The following IFT140 variants were observed in gnomAD, a reference collection of about 807,000 sequenced individuals.
The protein encoded by IFT140 is intraflagellar transport 140.
In IFT140, 133 loss-of-function variants were observed where a neutral mutation model predicts 164.6. That is an observed-to-expected ratio of 0.81 (90% CI 0.70 to 0.93). IFT140 has a LOEUF of 0.93. IFT140 is among the 40% of genes least tolerant of loss of function. The pLI is 0.00. For missense variants in IFT140, 2,045 were observed against 1,972.3 expected (o/e 1.04, Z -0.70); for synonymous variants, 860 against 817.3 (o/e 1.05, Z -0.89).
chr16:1,515,601 T>TA (rs1450323551), intron 30 of IFT140, among the ~76,000 whole-genome samples: 1 of 151,996 alleles, frequency 6.6e-6, no homozygotes, highest in Non-Finnish European at 1.5e-5. Flanking sequence ...TCTCACTTGT[T>TA]ACCCAGGCTG....
In IFT140 at chr16:1,551,118, C is replaced by T. The variant is rs1227576455; in HGVS notation, c.2399+6817G>A. ...CCACACTGCATTCTGTTCTGTTTCA[C>T]GTCTACTTTGGTCTCCTCAAACGAT... On this transcript the variant is annotated intron_variant, in intron 19 of 30. Coordinates refer to ENST00000426508, the MANE Select transcript of IFT140 (RefSeq NM_014714.4). This position sits in a 1 kb window ranked among gnomAD's most constrained non-coding sequence, Gnocchi z 4.0. 2.0e-5 allele frequency among the ~76,000 whole-genome samples: 3 copies of T among 152,360 alleles called. No individual in the cohort carries two copies. Among genetic ancestry groups the T allele is most frequent in the East Asian group, 1.9e-4 (1 of 5,178 alleles).
chr16:1,607,481 C>A (rs2036137138), intron 2 of IFT140, among the ~76,000 whole-genome samples, 184 bp from the exon 3 acceptor site: 1 of 152,146 alleles, frequency 6.6e-6, no homozygotes, highest in South Asian at 2.1e-4. Context: ...GGGAGACATG[C>A]AGAAGAGAAG....
chr16:1,514,389 T>G (rs78689665), intron 30 of IFT140: 1 of 151,732 alleles, frequency 6.6e-6, no homozygotes, highest in East Asian at 1.9e-4. Flanking sequence ...AATAAATAAA[T>G]AAATAAAAGA....
Position 1,520,412 on chromosome 16 carries a change from C to G in IFT140, c.3661-69G>C. The G allele has an allele frequency of 3.3e-6, 5 of 1,525,202 alleles. No homozygotes were observed. In the South Asian group the frequency reaches 5.6e-5, roughly 17 times the overall value. 94.5% of individuals were successfully genotyped at this position (1,525,202 alleles called of 1,614,324 possible). A position where few individuals can be genotyped will look rare whatever the true frequency, so the allele number is the denominator to read the frequency against. ...CGGGACAAGCACAAGGGACCCCGAG[C>G]AGGAGCTCTCACAAGAAGAGTGGCT... On this transcript the variant is annotated intron_variant, in intron 27 of 30. Transcript: ENST00000426508.
At chr16:1,601,263 CAAA>C (rs965825314) in intron 4 of IFT140, among the ~76,000 whole-genome samples, 4 of 55,218 alleles carry the variant, frequency 7.2e-5, no homozygotes, top group Non-Finnish European at 3.9e-5. Flanking sequence ...GATTCCATCA[CAAA>C]AAAAAAAAAA....
Position 1,589,667 on chromosome 16 carries a change from C to CT in IFT140, c.747dup (p.Glu250ArgfsTer13). On this transcript the variant is annotated frameshift_variant, in exon 7 of 31. Transcript: ENST00000426508. LOFTEE classifies it high-confidence loss of function. The stretch of plus-strand genomic sequence containing the variant: ...GTGTACAGGGACAGCCGGAGGTTCT[C>CT]TGTGACCACCACCAGTGCCTCCCTC... The CT allele has an allele frequency of 1.2e-6, 2 of 1,614,162 alleles. No homozygotes were observed. The highest frequency in any genetic ancestry group is 1.7e-6 in the Non-Finnish European group (2 of 1,180,022).
chr16:1,571,754 C>T (rs1388587231), intron 13 of IFT140, among the ~76,000 whole-genome samples: 3 of 152,282 alleles, frequency 2.0e-5, no homozygotes, highest in Non-Finnish European at 4.4e-5. Context: ...GGGGGAAGGA[C>T]GGGGCCCTGT....
At position 1,531,444 on chromosome 16, in the gene IFT140, C is replaced by T. The variant is rs2030483984; in HGVS notation, c.2400-4648G>A. 6.6e-6 allele frequency: 1 copy of T among 152,250 alleles called. No individual in the cohort carries two copies. The highest frequency in any genetic ancestry group is 2.4e-5 in the African/African-American group (1 of 41,442). 9.4% of individuals were successfully genotyped at this position (152,250 alleles called of 1,614,324 possible). The stretch of plus-strand genomic sequence containing the variant: ...GTGTCCCTGTTCTGTGCTAGGGCTC[C>T]CGCTCTGCTGGGTATATGGGAGCCG... On this transcript the variant is annotated intron_variant, in intron 19 of 30. Coordinates refer to ENST00000426508, the MANE Select transcript of IFT140 (RefSeq NM_014714.4). The surrounding 1 kb of genome is among the most constrained non-coding windows in gnomAD (Gnocchi z 4.7).
intron 30 of IFT140, among the ~76,000 whole-genome samples, chr16:1,513,445 G>A (rs1448266698): frequency 6.6e-6 from 1 of 152,040 alleles, no homozygotes; most frequent in African/African-American, 2.4e-5. Flanking sequence ...AGGTTGCAGT[G>A]AGCCACGATC....
At chr16:1,523,108 C>A (rs1456704780) in intron 26 of IFT140, among the ~76,000 whole-genome samples, 1 of 151,532 alleles carries the variant, frequency 6.6e-6, no homozygotes, top group Non-Finnish European at 1.5e-5. Flanking sequence ...TCCTGTATTC[C>A]CGGCTACTCA....
chr16:1,605,375 AGAGT>A (rs1214281809), intron 3 of IFT140, among the ~76,000 whole-genome samples: 2 of 152,250 alleles, frequency 1.3e-5, no homozygotes, highest in East Asian at 1.9e-4. Flanking sequence ...AGAGGGCTGA[AGAGT>A]GAGTAGAGGA....
rs1638857014 is a variant in IFT140 at position 1,553,594 on chromosome 16, T to C, written c.2399+4341A>G. 1 of 1,026,206 alleles carries C rather than the reference T, an allele frequency of 9.7e-7. No individual in the cohort carries two copies. The highest frequency in any genetic ancestry group is 4.9e-5 in the Admixed American group (1 of 20,262). The allele number at this position is 1,026,206 out of a possible 1,614,324, so 63.6% of individuals were successfully genotyped here. On this transcript the variant is annotated intron_variant, in intron 19 of 30. Coordinates refer to ENST00000426508, the MANE Select transcript of IFT140 (RefSeq NM_014714.4). The surrounding 1 kb of genome is among the most constrained non-coding windows in gnomAD (Gnocchi z 4.4). Reference sequence around the variant, plus strand: ...ACCAGTGTAAGTTACAGAGAGTCTCTGGCACTTTGGGTACAAGAAACAGAC... The same window carrying C: ...ACCAGTGTAAGTTACAGAGAGTCTCCGGCACTTTGGGTACAAGAAACAGAC...
intron 26 of IFT140, 42 bp downstream of exon 26, chr16:1,523,476 G>A (rs2040582116): frequency 1.3e-6 from 2 of 1,585,572 alleles, no homozygotes; most frequent in South Asian, 1.1e-5. Flanking sequence ...CTGAGCCGTG[G>A]TGCCTGCGTG....
At chr16:1,603,000 C>A (rs2035873137) in intron 3 of IFT140, among the ~76,000 whole-genome samples, 1 of 152,156 alleles carries the variant, frequency 6.6e-6, no homozygotes, top group African/African-American at 2.4e-5. Context: ...ACATTGGCGA[C>A]AAGGTACAAA....
chr16:1,536,602 C>T (rs1387157150), intron 19 of IFT140, among the ~76,000 whole-genome samples: 5 of 152,268 alleles, frequency 3.3e-5, no homozygotes, highest in African/African-American at 1.2e-4. Context: ...CAACGGGTAA[C>T]TTTTCTTTAA....
At chr16:1,599,188 A>C in intron 4 of IFT140, among the ~76,000 whole-genome samples, 1 of 57,174 alleles carries the variant, frequency 1.7e-5, no homozygotes, top group African/African-American at 1.2e-4. Flanking sequence ...CAACCACCCC[A>C]TCTGAGAAGT....
intron 30 of IFT140, chr16:1,514,566 A>G (rs1230564460): frequency 1.3e-5 from 2 of 152,208 alleles, no homozygotes; most frequent in Admixed American, 1.3e-4. Flanking sequence ...CGCTACAAGC[A>G]GGGATTTCAG....
intron 6 of IFT140, among the ~76,000 whole-genome samples, chr16:1,590,526 C>A (rs938671772): frequency 6.6e-6 from 1 of 152,180 alleles, no homozygotes; most frequent in Non-Finnish European, 1.5e-5. Context: ...CCTCTCTCAA[C>A]CTCCACAAGC....
intron 19 of IFT140, among the ~76,000 whole-genome samples, chr16:1,550,481 A>G (rs1337996453): frequency 6.6e-6 from 1 of 152,234 alleles, no homozygotes; most frequent in East Asian, 1.9e-4. Flanking sequence ...TAACAATAAA[A>G]CAACAGTTCA....
Sources: allele counts gnomAD v4.1 joint callset (sites outside exome capture counted in the v4.1 genomes callset), GRCh38; gene constraint gnomAD v4.1.1; non-coding constraint Gnocchi (gnomAD v3.1); transcripts MANE v1.5; gene names NCBI Gene and HGNC (gene_info 2026-07-23, HGNC 2026-07-21).